Variants in CCSER1 observed in about 807,000 individuals in gnomAD.
CCSER1 encodes the protein coiled-coil serine rich protein 1.
Under a neutral mutation model 82.0 loss-of-function variants are expected in CCSER1, and 41 were observed. The observed-to-expected ratio is 0.50, with a 90% CI of 0.39 to 0.65. CCSER1 has a LOEUF of 0.65. Among genes scored for constraint, CCSER1 ranks in the 30% least tolerant of loss-of-function variants. The pLI, the probability that CCSER1 is intolerant of heterozygous loss-of-function variation, is 0.00. For synonymous variants in CCSER1, 414 were observed against 383.9 expected, an observed-to-expected ratio of 1.08 and a Z score of -0.92; for missense variants, 1,119 against 1,064.2, an observed-to-expected ratio of 1.05 and a Z score of -0.72.
At chr4:90,835,256 G>T (rs1486157771) in intron 8 of CCSER1, among the ~76,000 whole-genome samples, 1 of 152,154 alleles carries the variant, frequency 6.6e-6, no homozygotes, top group Non-Finnish European at 1.5e-5. Context: ...GCGTGAACCC[G>T]GGAGGGGGAG....
At position 90,308,351 on chromosome 4, in the gene CCSER1, A is replaced by T. The variant is rs1734678414; in HGVS notation, c.67A>T (p.Asn23Tyr). The T allele has an allele frequency of 6.2e-7, 1 of 1,612,710 alleles. No individual in the cohort carries two copies. Among genetic ancestry groups the T allele is most frequent in the African/African-American group, 1.3e-5 (1 of 74,906 alleles). The change falls in exon 2 of 11, where the codon AAC becomes TAC. Residue 23 changes from asparagine (N) to tyrosine (Y), a missense_variant. By Grantham distance (143) the Asn-to-Tyr change is moderately radical. Coordinates refer to ENST00000509176, the MANE Select transcript of CCSER1 (RefSeq NM_001145065.2). The part of the protein sequence containing the change: ...SRLPIFRRSI[N>Y]RRHDSLPSSP... ...GTTGCCAATATTCAGAAGAAGTATT[A>T]ACAGAAGACATGATTCTCTTCCTTC...
intron 3 of CCSER1, among the ~76,000 whole-genome samples, chr4:90,337,572 A>G (rs1042941407): frequency 6.6e-6 from 1 of 152,156 alleles, no homozygotes; most frequent in African/African-American, 2.4e-5. Flanking sequence ...ATTGAGATAT[A>G]TAGATAGTAA....
chr4:90,909,056 T>A (rs1725933564), intron 8 of CCSER1, among the ~76,000 whole-genome samples: 1 of 152,118 alleles, frequency 6.6e-6, no homozygotes, highest in South Asian at 2.1e-4. Context: ...GGAGTCTTCT[T>A]GACCTCTTTT....
intron 8 of CCSER1, among the ~76,000 whole-genome samples, chr4:90,837,120 A>C (rs1206881512): frequency 3.3e-5 from 5 of 152,198 alleles, no homozygotes; most frequent in Non-Finnish European, 7.4e-5. Flanking sequence ...ATAAGGAAAA[A>C]CAGTATTATA....
At chr4:91,361,716 A>C (rs1053361189) in intron 10 of CCSER1, among the ~76,000 whole-genome samples, 3 of 151,832 alleles carry the variant, frequency 2.0e-5, no homozygotes, top group African/African-American at 7.2e-5. Context: ...GTTTGAAGAC[A>C]TGTCTTTGAG....
intron 10 of CCSER1, among the ~76,000 whole-genome samples, chr4:91,583,901 G>A (rs937881707): frequency 1.3e-4 from 19 of 151,338 alleles, no homozygotes; most frequent in Admixed American, 9.9e-4. Flanking sequence ...CAGATGAAGT[G>A]AGGACTAAGG....
chr4:90,387,137 G>A (rs1444242936), intron 3 of CCSER1, among the ~76,000 whole-genome samples: 1 of 151,872 alleles, frequency 6.6e-6, no homozygotes, highest in Non-Finnish European at 1.5e-5. Flanking sequence ...AAACCAGGAA[G>A]GCTTTAACCT....
At chr4:90,266,848 C>G (rs528170793) in intron 1 of CCSER1, among the ~76,000 whole-genome samples, 10 of 152,128 alleles carry the variant, frequency 6.6e-5, no homozygotes, top group Non-Finnish European at 7.4e-5. Context: ...GAAAGGCTCA[C>G]TAGGCCACAG....
At chr4:90,447,531 T>C (rs2153576305) in intron 4 of CCSER1, among the ~76,000 whole-genome samples, 1 of 152,348 alleles carries the variant, frequency 6.6e-6, no homozygotes, top group Non-Finnish European at 1.5e-5. Flanking sequence ...GACTCAATAG[T>C]AGTTTTTGAA....
chr4:90,887,708 C>A (rs1360127212), intron 8 of CCSER1, among the ~76,000 whole-genome samples: 1 of 152,012 alleles, frequency 6.6e-6, no homozygotes, highest in African/African-American at 2.4e-5. Flanking sequence ...ATGGTGTAAC[C>A]CTGTCTTTAC....
intron 1 of CCSER1, among the ~76,000 whole-genome samples, chr4:90,216,219 C>G (rs559221607): frequency 3.9e-5 from 6 of 152,134 alleles, no homozygotes; most frequent in African/African-American, 1.4e-4. Flanking sequence ...AATCAGAATG[C>G]GCTTTTTAAC....
intron 10 of CCSER1, among the ~76,000 whole-genome samples, chr4:91,456,322 G>T (rs967214766): frequency 6.6e-6 from 1 of 151,976 alleles, no homozygotes; most frequent in South Asian, 2.1e-4. Flanking sequence ...ATCACAGAGG[G>T]GCTAGGGTTT....
At chr4:90,258,922 C>G (rs960116919) in intron 1 of CCSER1, among the ~76,000 whole-genome samples, 2 of 152,098 alleles carry the variant, frequency 1.3e-5, no homozygotes, top group Admixed American at 1.3e-4. Context: ...TGTGATACCT[C>G]CAGATTTGTT....
intron 10 of CCSER1, among the ~76,000 whole-genome samples, chr4:91,588,270 A>T (rs940371394): frequency 6.6e-6 from 1 of 150,684 alleles, no homozygotes; most frequent in African/African-American, 2.4e-5. Flanking sequence ...ATAGCCTTAG[A>T]TTTTTTTTTC....
chr4:91,599,322 C>T lies in CCSER1; in HGVS notation c.*265C>T, dbSNP rs952538093. ...GTATAATAAATGGGACCATCATGAT[C>T]GTTTATATAGTCCATAATTTATTTA... On this transcript the variant is annotated 3_prime_UTR_variant, in exon 11 of 11. Transcript: ENST00000509176. 1.5e-5 allele frequency: 5 copies of T among 325,906 alleles called. No individual in the cohort carries two copies. Among genetic ancestry groups the T allele is most frequent in the African/African-American group, 1.1e-4 (5 of 46,860 alleles). The allele number at this position is 325,906 out of a possible 1,614,324, so 20.2% of individuals were successfully genotyped here.
chr4:91,488,107 T>C (rs1340994971), intron 10 of CCSER1, among the ~76,000 whole-genome samples: 1 of 152,152 alleles, frequency 6.6e-6, no homozygotes, highest in Non-Finnish European at 1.5e-5. Context: ...ATGATTTTAA[T>C]AGTATACTTC....
intron 6 of CCSER1, among the ~76,000 whole-genome samples, chr4:90,712,644 C>T (rs778970978): frequency 1.9e-4 from 28 of 150,444 alleles, no homozygotes; most frequent in East Asian, 9.9e-4. Context: ...TGTAGATATC[C>T]GTCAGGTCCA....
At chr4:91,180,537 T>C (rs941416503) in intron 10 of CCSER1, among the ~76,000 whole-genome samples, 4 of 152,234 alleles carry the variant, frequency 2.6e-5, no homozygotes, top group African/African-American at 9.6e-5. Flanking sequence ...GCCTGGCTGC[T>C]GCCTTGCAGT....
chr4:90,950,583 AAG>A (rs374016681), intron 9 of CCSER1, among the ~76,000 whole-genome samples: 3 of 152,080 alleles, frequency 2.0e-5, no homozygotes, highest in African/African-American at 7.2e-5. Flanking sequence ...CTGATTCAGA[AAG>A]AGAGAAAGGA....
Sources: gnomAD v4.1 joint callset for allele counts (sites outside exome capture counted in the v4.1 genomes callset) on GRCh38, gnomAD v4.1.1 for gene constraint, MANE v1.5 for transcripts, NCBI Gene and HGNC (gene_info 2026-07-23, HGNC 2026-07-21) for gene names.